The following SUGCT variants were observed in gnomAD, a reference collection of about 807,000 sequenced individuals.
SUGCT encodes succinyl-CoA:glutarate CoA-transferase.
A neutral mutation model predicts 55.0 loss-of-function variants in SUGCT; 41 were observed. That is an observed-to-expected ratio of 0.74 (90% CI 0.58 to 0.97). The LOEUF is 0.97. Ranked by LOEUF, SUGCT falls within the 50% of genes least tolerant of loss-of-function variation. The pLI, the probability that SUGCT is intolerant of heterozygous loss-of-function variation, is 0.00. For missense variants in SUGCT, 568 were observed against 547.8 expected (o/e 1.04, Z -0.37); for synonymous variants, 187 against 200.4 (o/e 0.93, Z 0.56).
intron 12 of SUGCT, among the ~76,000 whole-genome samples, chr7:40,706,214 C>T (rs1003021943): frequency 2.6e-5 from 4 of 152,118 alleles, no homozygotes; most frequent in African/African-American, 7.2e-5. Context: ...CTGGAAAAGT[C>T]ATTATGGAGT....
At chr7:40,309,639 C>T (rs1221099994) in intron 8 of SUGCT, among the ~76,000 whole-genome samples, 1 of 152,110 alleles carries the variant, frequency 6.6e-6, no homozygotes, top group Non-Finnish European at 1.5e-5. Context: ...AAGGTGCTGA[C>T]TGACACTGAA....
intron 11 of SUGCT, among the ~76,000 whole-genome samples, chr7:40,462,596 C>T (rs1210305922): frequency 6.6e-6 from 1 of 152,092 alleles, no homozygotes; most frequent in Non-Finnish European, 1.5e-5. Context: ...CCGTTTCTCA[C>T]CTAGGAAGAC....
the SUGCT span, among the ~76,000 whole-genome samples, chr7:40,900,276 C>T: frequency 6.6e-6 from 1 of 152,242 alleles, no homozygotes; most frequent in African/African-American, 2.4e-5. Flanking sequence ...TTCTTTCCCT[C>T]TGGCTCCTCC....
rs1267637597 is a variant in SUGCT at position 40,447,043 on chromosome 7, G to A, written c.817-2244G>A. 2.0e-5 allele frequency among the ~76,000 whole-genome samples: 3 copies of A among 152,114 alleles called. No individual in the cohort carries two copies. The East Asian group carries it at 5.8e-4, about 29-fold the overall frequency. ...TGTATTCAGAGTTGTGCAACCATCA[G>A]TCAATTTTGGAACATTTTCATTACC... On this transcript the variant is annotated intron_variant, in intron 9 of 13. Transcript: ENST00000335693.
intron 7 of SUGCT, among the ~76,000 whole-genome samples, chr7:40,244,160 G>A (rs780678993): frequency 2.4e-4 from 37 of 152,104 alleles, no homozygotes; most frequent in Non-Finnish European, 4.6e-4. Flanking sequence ...GTGACTGAGC[G>A]AGACTCTGTC....
intron 13 of SUGCT, among the ~76,000 whole-genome samples, chr7:40,847,991 G>A (rs1445854607): frequency 6.6e-6 from 1 of 152,150 alleles, no homozygotes; most frequent in Non-Finnish European, 1.5e-5. Flanking sequence ...TGCTCCCACA[G>A]ATCAATCATG....
chr7:40,429,190 AC>A (rs1477547390), intron 9 of SUGCT, among the ~76,000 whole-genome samples: 1 of 152,102 alleles, frequency 6.6e-6, no homozygotes, highest in Non-Finnish European at 1.5e-5. Context: ...CATATACAGT[AC>A]AATTTTATTA....
chr7:40,532,665 C>A (rs1794163298), intron 12 of SUGCT, among the ~76,000 whole-genome samples: 1 of 151,504 alleles, frequency 6.6e-6, no homozygotes, highest in Non-Finnish European at 1.5e-5. Flanking sequence ...AATTTTTAGA[C>A]ATTTTAGGTT....
intron 9 of SUGCT, among the ~76,000 whole-genome samples, chr7:40,337,663 C>T (rs1022557779): frequency 6.6e-6 from 1 of 152,120 alleles, no homozygotes; most frequent in African/African-American, 2.4e-5. Flanking sequence ...AGATGGGTCT[C>T]CTGAATACAG....
chr7:40,596,880 G>A (rs1047827952), intron 12 of SUGCT, among the ~76,000 whole-genome samples: 2 of 152,068 alleles, frequency 1.3e-5, no homozygotes, highest in East Asian at 3.9e-4. Flanking sequence ...CTATTATTTA[G>A]AATCAAGTGA....
chr7:40,232,118 A>G (rs758950634), intron 6 of SUGCT, among the ~76,000 whole-genome samples: 5 of 152,176 alleles, frequency 3.3e-5, no homozygotes, highest in Non-Finnish European at 7.4e-5. Context: ...CAATCAGTCA[A>G]TCACTGTGAT....
intron 6 of SUGCT, among the ~76,000 whole-genome samples, chr7:40,212,219 AATTCT>A (rs1562580874): frequency 3.3e-5 from 5 of 151,880 alleles, no homozygotes; most frequent in Admixed American, 6.6e-5. Flanking sequence ...CAAGTTTGTC[AATTCT>A]AAAGAGCCTG....
chr7:40,810,396 T>C (rs1344569918), intron 13 of SUGCT, among the ~76,000 whole-genome samples: 2 of 152,196 alleles, frequency 1.3e-5, no homozygotes, highest in Admixed American at 1.3e-4. Flanking sequence ...AATGTATAAA[T>C]GTTCCTTCTT....
intron 13 of SUGCT, among the ~76,000 whole-genome samples, chr7:40,793,704 C>T (rs114295515): frequency 0.017 from 2,654 of 152,194 alleles, 73 homozygotes; most frequent in African/African-American, 0.059. Flanking sequence ...TCATGTCTGT[C>T]AACAGTTCTG....
chr7:40,691,128 A>G (rs1784679869), intron 12 of SUGCT, among the ~76,000 whole-genome samples: 2 of 152,214 alleles, frequency 1.3e-5, no homozygotes, highest in Admixed American at 1.3e-4. Flanking sequence ...ATGAAGACGG[A>G]TTCTATAGAA....
chr7:41,037,274 G>A, the SUGCT span, among the ~76,000 whole-genome samples: 156 of 151,694 alleles, frequency 1.0e-3, no homozygotes, highest in African/African-American at 3.4e-3. Flanking sequence ...AGACACTCTC[G>A]CCTTTGAAGT....
At chr7:40,928,128 T>G in the SUGCT span, among the ~76,000 whole-genome samples, 1 of 151,986 alleles carries the variant, frequency 6.6e-6, no homozygotes, top group African/African-American at 2.4e-5. Flanking sequence ...TTTTTATTTT[T>G]TTTCCCACCC....
rs972091366 is a variant in SUGCT at position 40,604,209 on chromosome 7, A to G, written c.1089+107823A>G. Reference sequence around the variant, plus strand: ...TGAGTGTTCGCCCGAGGCCCTTGCTATCTCCTCCCTCTTAACAAGTTTCAT... The same window carrying G: ...TGAGTGTTCGCCCGAGGCCCTTGCTGTCTCCTCCCTCTTAACAAGTTTCAT... On this transcript the variant is annotated intron_variant, in intron 12 of 13. Transcript: ENST00000335693. Among the ~76,000 whole-genome samples, 4 of 152,276 alleles carry G rather than the reference A, an allele frequency of 2.6e-5. No homozygotes were observed. The East Asian group carries it at 7.7e-4, about 29-fold the overall frequency.
the SUGCT span, among the ~76,000 whole-genome samples, chr7:40,996,805 G>T: frequency 6.6e-6 from 1 of 152,140 alleles, no homozygotes; most frequent in African/African-American, 2.4e-5. Flanking sequence ...CAGGCCTCTG[G>T]TTTACTGAGG....
Sources: allele counts gnomAD v4.1 joint callset (sites outside exome capture counted in the v4.1 genomes callset), GRCh38; gene constraint gnomAD v4.1.1; transcripts MANE v1.5; gene names NCBI Gene and HGNC (gene_info 2026-07-23, HGNC 2026-07-21).